SHROOM3: variants seen among roughly 807,000 people sequenced by gnomAD.
The protein encoded by SHROOM3 is protein Shroom3.
In SHROOM3, 47 loss-of-function variants were observed where a neutral mutation model predicts 138.6. That is an observed-to-expected ratio of 0.34 (90% CI 0.27 to 0.43). The LOEUF (loss-of-function observed/expected upper bound fraction) is 0.43. SHROOM3 is among the 20% of genes least tolerant of loss of function. The pLI is 1.00. For missense variants in SHROOM3, 2,491 were observed against 2,596.5 expected (o/e 0.96, Z 0.88); for synonymous variants, 1,062 against 1,063.3 (o/e 1.00, Z 0.02).
chr4:76,463,635 C>T (rs1202572284), intron 1 of SHROOM3, among the ~76,000 whole-genome samples: 1 of 152,174 alleles, frequency 6.6e-6, no homozygotes, highest in Admixed American at 6.5e-5. Flanking sequence ...TTATCACAGG[C>T]CTAGAGTCCT....
At chr4:76,708,381 G>C (rs1022401702) in intron 2 of SHROOM3, among the ~76,000 whole-genome samples, 6 of 118,578 alleles carry the variant, frequency 5.1e-5, no homozygotes, top group Non-Finnish European at 8.5e-5. Context: ...CCAAGACATT[G>C]TGCAAAAAAA....
At chr4:76,714,674 A>G (rs981525472) in intron 3 of SHROOM3, among the ~76,000 whole-genome samples, 1 of 152,226 alleles carries the variant, frequency 6.6e-6, no homozygotes, top group Non-Finnish European at 1.5e-5. Flanking sequence ...TGATCTTGGC[A>G]TCTATCAGTG....
intron 2 of SHROOM3, among the ~76,000 whole-genome samples, chr4:76,651,419 TATATATATATATATATATATATATATAC>T (rs1735958929): frequency 1.1e-5 from 1 of 90,042 alleles, no homozygotes; most frequent in African/African-American, 4.4e-5. Context: ...TATATATATA[TATATATATATATATATATATATATATAC>T]CTACTATGTA....
At chr4:76,725,467 T>G (rs1414807314) in intron 3 of SHROOM3, among the ~76,000 whole-genome samples, 2 of 152,250 alleles carry the variant, frequency 1.3e-5, no homozygotes, top group Admixed American at 6.5e-5. Context: ...TTTTCTTAAA[T>G]GGACATTTAA....
chr4:76,513,213 C>T (rs1456523010), intron 1 of SHROOM3, among the ~76,000 whole-genome samples: 2 of 152,096 alleles, frequency 1.3e-5, no homozygotes, highest in Non-Finnish European at 2.9e-5. Context: ...TGTATGCTTT[C>T]GACTCTGAAA....
intron 1 of SHROOM3, among the ~76,000 whole-genome samples, chr4:76,463,713 C>G (rs1731188830): frequency 6.6e-6 from 1 of 152,198 alleles, no homozygotes; most frequent in South Asian, 2.1e-4. Context: ...TGGGACCTGG[C>G]ACCTTGCACT....
chr4:76,569,128 A>G (rs963894911), intron 2 of SHROOM3, among the ~76,000 whole-genome samples: 1 of 152,254 alleles, frequency 6.6e-6, no homozygotes, highest in Non-Finnish European at 1.5e-5. Flanking sequence ...TTCACTAAGT[A>G]GTTTTCCATA....
intron 1 of SHROOM3, among the ~76,000 whole-genome samples, chr4:76,449,856 TA>T (rs1730888180): frequency 4.6e-5 from 7 of 152,230 alleles, no homozygotes; most frequent in Admixed American, 3.9e-4. Flanking sequence ...TTCTTTTAGT[TA>T]AAGCATTTTT....
chr4:76,730,764 C>T (rs1218818857), intron 3 of SHROOM3, 40 bp from the exon 4 acceptor site: 1 of 1,613,118 alleles, frequency 6.2e-7, no homozygotes, highest in Non-Finnish European at 8.5e-7. Context: ...TCAGCTGAGA[C>T]TTTGGCTAAT....
chr4:76,751,111 A>T (rs567039000), intron 6 of SHROOM3, among the ~76,000 whole-genome samples: 1 of 152,200 alleles, frequency 6.6e-6, no homozygotes, highest in Non-Finnish European at 1.5e-5. Flanking sequence ...TGCTTGCAGT[A>T]TATTTTTCTG....
intron 1 of SHROOM3, among the ~76,000 whole-genome samples, chr4:76,470,608 G>T (rs1560516036): frequency 6.6e-6 from 1 of 152,092 alleles, no homozygotes; most frequent in Non-Finnish European, 1.5e-5. Context: ...ACAGTCTCTG[G>T]AACAGGATTG....
chr4:76,747,556 G>T (rs1342849634), intron 5 of SHROOM3, among the ~76,000 whole-genome samples: 1 of 152,118 alleles, frequency 6.6e-6, no homozygotes, highest in Non-Finnish European at 1.5e-5. Flanking sequence ...TATATTCATT[G>T]TCAAAACGAA....
intron 2 of SHROOM3, among the ~76,000 whole-genome samples, chr4:76,656,420 C>T (rs891991967): frequency 1.3e-5 from 2 of 152,154 alleles, no homozygotes; most frequent in Non-Finnish European, 2.9e-5. Context: ...CACTTCTTAC[C>T]TAGACACTGG....
intron 1 of SHROOM3, among the ~76,000 whole-genome samples, chr4:76,533,058 A>C (rs1732866155): frequency 6.6e-6 from 1 of 152,208 alleles, no homozygotes; most frequent in South Asian, 2.1e-4. Context: ...GCAAGATTTC[A>C]TAATTCTACT....
intron 2 of SHROOM3, among the ~76,000 whole-genome samples, chr4:76,649,061 G>A (rs1735898478): frequency 6.6e-6 from 1 of 152,166 alleles, no homozygotes; most frequent in Non-Finnish European, 1.5e-5. Context: ...GTAGGTATAT[G>A]TAATTATATA....
chr4:76,762,408 T>C (rs1722015105), intron 9 of SHROOM3, among the ~76,000 whole-genome samples: 1 of 152,198 alleles, frequency 6.6e-6, no homozygotes, highest in Admixed American at 6.5e-5. Flanking sequence ...AATCAGACTC[T>C]TACGAGGAAA....
At chr4:76,574,642 A>G (rs1733901677) in intron 2 of SHROOM3, among the ~76,000 whole-genome samples, 1 of 152,348 alleles carries the variant, frequency 6.6e-6, no homozygotes, top group Middle Eastern at 3.4e-3. Context: ...GTATAGCCTT[A>G]AAAGCAAAGG....
intron 3 of SHROOM3, among the ~76,000 whole-genome samples, chr4:76,712,504 T>G (rs767825836): frequency 6.6e-6 from 1 of 152,194 alleles, no homozygotes; most frequent in Non-Finnish European, 1.5e-5. Context: ...CAAATGTATA[T>G]CTACTTACTA....
chr4:76,755,042 G>C lies in SHROOM3; in HGVS notation c.4559G>C (p.Ser1520Thr), dbSNP rs1288545330. ...GATCCGCACCCCAAGGCCACGTCCAGCCCCACATTTGAACCTCTTCCCCCA... is the reference window on the plus strand; with the variant it reads ...GATCCGCACCCCAAGGCCACGTCCACCCCCACATTTGAACCTCTTCCCCCA... ...VRDPHPKATS[S>T]PTFEPLPPPP... The change falls in exon 7 of 11, where the codon AGC becomes ACC. Residue 1520 changes from serine (S) to threonine (T), a missense_variant. Transcript: ENST00000296043. The C allele has an allele frequency of 1.2e-6, 2 of 1,603,350 alleles. No homozygotes were observed. The highest frequency in any genetic ancestry group is 2.7e-5 in the African/African-American group (2 of 74,676).
Sources: allele counts gnomAD v4.1 joint callset (sites outside exome capture counted in the v4.1 genomes callset), GRCh38; gene constraint gnomAD v4.1.1; transcripts MANE v1.5; gene names NCBI Gene and HGNC (gene_info 2026-07-23, HGNC 2026-07-21).